Variants in CFAP46 observed in about 807,000 individuals in gnomAD.
CFAP46 encodes the protein cilia- and flagella-associated protein 46.
A neutral mutation model predicts 325.7 loss-of-function variants in CFAP46; 245 were observed. The observed-to-expected ratio is 0.75, with a 90% CI of 0.68 to 0.84. The LOEUF (loss-of-function observed/expected upper bound fraction) is 0.84, where lower values mean the gene tolerates loss of function less well. CFAP46 is among the 40% of genes least tolerant of loss of function. The pLI, the probability that CFAP46 is intolerant of heterozygous loss-of-function variation, is 0.00. For missense variants in CFAP46, 3,346 were observed against 3,543.0 expected (o/e 0.94, Z 1.41); for synonymous variants, 1,523 against 1,495.9 (o/e 1.02, Z -0.42).
chr10:132,833,913 G>C, intron 49 of CFAP46, 128 bp downstream of exon 49: 1 of 815,580 alleles, frequency 1.2e-6, no homozygotes, highest in Non-Finnish European at 2.0e-6. Flanking sequence ...GGAAGGAGCA[G>C]CAGGGCTTGT....
In CFAP46 at chr10:132,851,644, C is replaced by T. The variant is rs191137173; in HGVS notation, c.5575-339G>A. On this transcript the variant is annotated intron_variant, in intron 39 of 57. Transcript: ENST00000368586. The stretch of plus-strand genomic sequence containing the variant: ...GCTGTCTTTCCGTCTGGTTCATTTT[C>T]CTCGGTAAAGTCACCGTGAGACTCC... Among the ~76,000 whole-genome samples the T allele has an allele frequency of 9.2e-3, 1,408 of 152,372 alleles. 12 individuals are homozygous for T. Among genetic ancestry groups the T allele is most frequent in the South Asian group, 0.043 (210 of 4,832 alleles).
Position 132,872,564 on chromosome 10 carries a change from T to C in CFAP46, c.4511+112A>G, listed in dbSNP as rs35297803. 268 of 1,240,764 alleles carry C rather than the reference T, an allele frequency of 2.2e-4. 2 individuals carry two copies. The East Asian group carries it at 5.3e-3, about 25-fold the overall frequency. 76.9% of individuals were successfully genotyped at this position (1,240,764 alleles called of 1,614,324 possible). A position where few individuals can be genotyped will look rare whatever the true frequency, so the allele number is the denominator to read the frequency against. On this transcript the variant is annotated intron_variant, in intron 32 of 57. Coordinates refer to ENST00000368586, the MANE Select transcript of CFAP46 (RefSeq NM_001200049.3). Reference sequence around the variant, plus strand: ...TATTTTTATTTACTTGGTGTTCAAGTCCCAGGGACTTTATTATTTACACAG... The same window carrying C: ...TATTTTTATTTACTTGGTGTTCAAGCCCCAGGGACTTTATTATTTACACAG...
chr10:132,930,364 C>T (rs959816969), intron 8 of CFAP46, among the ~76,000 whole-genome samples: 2 of 144,688 alleles, frequency 1.4e-5, no homozygotes, highest in Admixed American at 1.4e-4. Context: ...GGCCTTCCTC[C>T]TCCCCATACA....
At chr10:132,826,402 G>A (rs1298581405) in intron 50 of CFAP46, among the ~76,000 whole-genome samples, 3 of 136,470 alleles carry the variant, frequency 2.2e-5, no homozygotes, top group Admixed American at 7.2e-5. Flanking sequence ...GACCAGCCAT[G>A]GAGCCAGGCA....
chr10:132,845,522 G>A (rs1243582668), intron 44 of CFAP46, among the ~76,000 whole-genome samples: 1 of 152,328 alleles, frequency 6.6e-6, no homozygotes, highest in East Asian at 1.9e-4. Context: ...GAAGGAGGGA[G>A]GGGCCCCATT....
chr10:132,897,598 G>A (rs2135468708), intron 24 of CFAP46, among the ~76,000 whole-genome samples: 1 of 152,378 alleles, frequency 6.6e-6, no homozygotes. Context: ...TAAGCCCTGG[G>A]GCCAGGAAGC....
chr10:132,827,904 A>G lies in CFAP46; in HGVS notation c.7117+5454T>C, dbSNP rs540452996. Among the ~76,000 whole-genome samples, 2 of 151,294 alleles carry G rather than the reference A, an allele frequency of 1.3e-5. No individual in the cohort carries two copies. The highest frequency in any genetic ancestry group is 1.3e-4 in the Admixed American group (2 of 15,246). ...TCCCTTGATCCAGCCTCTTTCCCTC[A>G]GCGTAATCCTTCTGAGTGAGCCCCG... is the stretch of plus-strand genomic sequence containing the variant. On this transcript the variant is annotated intron_variant, in intron 50 of 57. Coordinates refer to ENST00000368586, the MANE Select transcript of CFAP46 (RefSeq NM_001200049.3). This position sits in a 1 kb window ranked among gnomAD's most constrained non-coding sequence, Gnocchi z 5.7.
Position 132,860,491 on chromosome 10 carries a change from G to A in CFAP46, c.5124C>T (p.Ala1708=), listed in dbSNP as rs1309732923. The A allele has an allele frequency of 1.3e-6, 2 of 1,551,186 alleles. No homozygotes were observed. The highest frequency in any genetic ancestry group is 3.9e-5 in the Admixed American group (2 of 51,014). The change falls in exon 37 of 58, where the codon GCC becomes GCT. Residue 1708 remains alanine, a synonymous_variant. Transcript: ENST00000368586. Reference sequence around the variant, plus strand: ...GTCTTTCTTTCTTGAGGATCTTGAAGGCATTGATGAGCTTCTGAAATATGT... The same window carrying A: ...GTCTTTCTTTCTTGAGGATCTTGAAAGCATTGATGAGCTTCTGAAATATGT... ...VCHIFQKLIN[A]FKILKKERPN... is the part of the protein sequence containing the mutation.
intron 37 of CFAP46, 32 bp downstream of exon 37, chr10:132,860,385 G>A (rs539959486): frequency 8.8e-6 from 13 of 1,483,858 alleles, no homozygotes; most frequent in South Asian, 3.6e-5. Context: ...CAGCTTTCAC[G>A]CTAATGAACA....
Position 132,876,850 on chromosome 10 carries a change from T to C in CFAP46, c.4324A>G (p.Ser1442Gly). ...EVLSVLKQDR[S>G]DSTVNPSSIQ... ...CTTGAGGGGTTCACAGTAGAGTCAC[T>C]TCTGTCCTGTTTCAGTACAGACAGC... The change falls in exon 31 of 58, where the codon AGT becomes GGT. Residue 1442 changes from serine (S) to glycine (G), a missense_variant. Coordinates refer to ENST00000368586, the MANE Select transcript of CFAP46 (RefSeq NM_001200049.3). This position sits in a 1 kb window ranked among gnomAD's most constrained non-coding sequence, Gnocchi z 4.1. 1 of 1,550,416 alleles carries C rather than the reference T, an allele frequency of 6.4e-7. No individual in the cohort carries two copies. The highest frequency in any genetic ancestry group is 8.7e-7 in the Non-Finnish European group (1 of 1,146,972).
intron 10 of CFAP46, among the ~76,000 whole-genome samples, chr10:132,925,787 C>T (rs765747793): frequency 6.6e-6 from 1 of 152,224 alleles, no homozygotes; most frequent in African/African-American, 2.4e-5. Context: ...AGGATGGATG[C>T]GTTAGGAGTG....
At chr10:132,925,728 G>A (rs1217081748) in intron 10 of CFAP46, among the ~76,000 whole-genome samples, 2 of 152,264 alleles carry the variant, frequency 1.3e-5, no homozygotes, top group Non-Finnish European at 1.5e-5. Flanking sequence ...GTCCACAGCG[G>A]CATCGGCACC....
chr10:132,814,230 G>A lies in CFAP46; in HGVS notation c.7310C>T (p.Thr2437Ile), dbSNP rs1847642738. The change falls in exon 54 of 58, where the codon ACC becomes ATC. Residue 2437 changes from threonine to isoleucine, a missense_variant. Thr to Ile is a moderately conservative substitution (Grantham distance 89, BLOSUM62 -1). Coordinates refer to ENST00000368586, the MANE Select transcript of CFAP46 (RefSeq NM_001200049.3). ...GPEMLTPVSI[T>I]QDILERFQDT... ...TTGGAATCTTTCCAAAATGTCTTGG[G>A]TGATGGAGACAGGAGTTAGCATTTC... The A allele has an allele frequency of 1.5e-5, 25 of 1,613,792 alleles. No individual in the cohort carries two copies. Among genetic ancestry groups the A allele is most frequent in the Non-Finnish European group, 2.1e-5 (25 of 1,179,852 alleles).
chr10:132,924,780 C>A lies in CFAP46; in HGVS notation c.1172G>T (p.Cys391Phe). ...HVVCATQWNT[C>F]LPLLQHNLRH... ...CAGGTTGTGCTGCAGCAGGGGCAGGCAGGTGTTCCACTGCGTGGCGCACAC... is the reference window on the plus strand; with the variant it reads ...CAGGTTGTGCTGCAGCAGGGGCAGGAAGGTGTTCCACTGCGTGGCGCACAC... Residue 391 changes from cysteine to phenylalanine, a missense_variant, in exon 11 of 58, where the codon TGC (cysteine) becomes TTC (phenylalanine). By Grantham distance (205) the Cys-to-Phe change is radical. Transcript: ENST00000368586. 1 of 1,530,400 alleles carries A rather than the reference C, an allele frequency of 6.5e-7. No individual in the cohort carries two copies. Among genetic ancestry groups the A allele is most frequent in the South Asian group, 1.2e-5 (1 of 81,740 alleles). 94.8% of individuals were successfully genotyped at this position (1,530,400 alleles called of 1,614,324 possible). A position where few individuals can be genotyped will look rare whatever the true frequency, so the allele number is the denominator to read the frequency against.
At chr10:132,862,620 G>A (rs974394763) in intron 35 of CFAP46, among the ~76,000 whole-genome samples, 1 of 151,962 alleles carries the variant, frequency 6.6e-6, no homozygotes, top group Non-Finnish European at 1.5e-5. Flanking sequence ...TGAGTGCTGA[G>A]GCTACAGTGG....
At position 132,925,411 on chromosome 10, in the gene CFAP46, G is replaced by C. The variant is rs1305377667; in HGVS notation, c.1066-525C>G. Reference sequence around the variant, plus strand: ...TAGCCCTCACGCTGCCCCTGGGCTGGGTGGGGCCTGAACCTCACAACTCCA... The same window carrying C: ...TAGCCCTCACGCTGCCCCTGGGCTGCGTGGGGCCTGAACCTCACAACTCCA... On this transcript the variant is annotated intron_variant, in intron 10 of 57. Coordinates refer to ENST00000368586, the MANE Select transcript of CFAP46 (RefSeq NM_001200049.3). 2.0e-5 allele frequency among the ~76,000 whole-genome samples: 3 copies of C among 152,348 alleles called. No homozygotes were observed. The East Asian group carries it at 5.8e-4, about 29-fold the overall frequency.
chr10:132,854,367 C>T (rs566191152), intron 39 of CFAP46, among the ~76,000 whole-genome samples: 24 of 142,998 alleles, frequency 1.7e-4, no homozygotes, highest in African/African-American at 5.4e-4. Context: ...GATGGAGTTT[C>T]GCTCTGTCGC....
Position 132,892,428 on chromosome 10 carries a change from G to T in CFAP46, c.3220-11C>A. 1 of 1,550,152 alleles carries T rather than the reference G, an allele frequency of 6.5e-7. No individual in the cohort carries two copies. Among genetic ancestry groups the T allele is most frequent in the Non-Finnish European group, 8.7e-7 (1 of 1,146,672 alleles). On this transcript the variant is annotated splice_polypyrimidine_tract_variant and intron_variant, in intron 24 of 57. Coordinates refer to ENST00000368586, the MANE Select transcript of CFAP46 (RefSeq NM_001200049.3). ...CGTCTTTCCTTTCTCCTAAAGTAAC[G>T]CAAGTAAACGACACGTATATTTGAA...
chr10:132,928,966 G>C (rs542438119), intron 9 of CFAP46, among the ~76,000 whole-genome samples: 1 of 152,252 alleles, frequency 6.6e-6, no homozygotes, highest in East Asian at 1.9e-4. Context: ...TCATCTTAGG[G>C]AAAAATCCTA....
Sources: allele counts gnomAD v4.1 joint callset (sites outside exome capture counted in the v4.1 genomes callset), GRCh38; gene constraint gnomAD v4.1.1; non-coding constraint Gnocchi (gnomAD v3.1); transcripts MANE v1.5; gene names NCBI Gene and HGNC (gene_info 2026-07-23, HGNC 2026-07-21).